Variants in ZCWPW2 observed in about 807,000 individuals in gnomAD.
ZCWPW2 encodes zinc finger CW-type and PWWP domain containing 2.
A neutral mutation model predicts 46.6 loss-of-function variants in ZCWPW2; 45 were observed. The ratio of observed to expected loss-of-function variants is 0.96; its 90% CI spans 0.76 to 1.24. The LOEUF (loss-of-function observed/expected upper bound fraction) is 1.24. Ranked by LOEUF, ZCWPW2 falls within the 50% of genes most tolerant of loss-of-function variation. ZCWPW2 has a pLI of 0.00. For synonymous variants in ZCWPW2, 152 were observed against 137.1 expected (o/e 1.11, Z -0.76); for missense variants, 429 against 403.9 (o/e 1.06, Z -0.53).
intron 6 of ZCWPW2, among the ~76,000 whole-genome samples, chr3:28,513,799 T>C (rs970426840): frequency 6.6e-6 from 1 of 152,112 alleles, no homozygotes; most frequent in Non-Finnish European, 1.5e-5. Context: ...ACTATTTTTA[T>C]GTGTTTGTGA....
intron 2 of ZCWPW2, among the ~76,000 whole-genome samples, chr3:28,412,307 T>C (rs895075546): frequency 6.6e-6 from 1 of 151,814 alleles, no homozygotes; most frequent in Non-Finnish European, 1.5e-5. Flanking sequence ...TTAAAATTTT[T>C]CTAACAAAAA....
intron 4 of ZCWPW2, among the ~76,000 whole-genome samples, chr3:28,467,940 A>C (rs932137870): frequency 2.0e-5 from 3 of 152,160 alleles, no homozygotes; most frequent in African/African-American, 7.2e-5. Flanking sequence ...AAGCATCAAG[A>C]CCATCCAGGA....
intron 4 of ZCWPW2, chr3:28,461,584 A>G (rs1406098570): frequency 6.6e-6 from 1 of 152,168 alleles, no homozygotes; most frequent in Non-Finnish European, 1.5e-5. Context: ...TTTCATTTTC[A>G]TCTCCAGTTT....
intron 1 of ZCWPW2, among the ~76,000 whole-genome samples, chr3:28,375,823 C>T (rs892733168): frequency 1.3e-5 from 2 of 151,420 alleles, no homozygotes; most frequent in African/African-American, 4.9e-5. Flanking sequence ...AACCATTCTT[C>T]TACTCTCTAT....
intron 1 of ZCWPW2, among the ~76,000 whole-genome samples, chr3:28,380,447 A>G (rs1256473584): frequency 6.6e-6 from 1 of 152,162 alleles, no homozygotes; most frequent in Admixed American, 6.5e-5. Context: ...TACTCAAAGA[A>G]TCACCTGAAT....
intron 3 of ZCWPW2, among the ~76,000 whole-genome samples, chr3:28,432,079 C>A (rs559787993): frequency 1.3e-5 from 2 of 152,286 alleles, no homozygotes; most frequent in Admixed American, 1.3e-4. Context: ...AATTACCTCC[C>A]ACCATGTCCC....
intron 6 of ZCWPW2, among the ~76,000 whole-genome samples, chr3:28,509,683 T>C (rs35131715): frequency 6.6e-6 from 1 of 152,322 alleles, no homozygotes; most frequent in East Asian, 1.9e-4. Flanking sequence ...TGGCTTATTG[T>C]ATTTTTATTG....
chr3:28,469,159 T>G (rs1698942677), intron 4 of ZCWPW2, among the ~76,000 whole-genome samples: 1 of 152,104 alleles, frequency 6.6e-6, no homozygotes, highest in African/African-American at 2.4e-5. Context: ...GTTATCAGCT[T>G]AAAATAATGG....
At chr3:28,391,791 A>G (rs1053284714) in intron 2 of ZCWPW2, among the ~76,000 whole-genome samples, 1 of 152,000 alleles carries the variant, frequency 6.6e-6, no homozygotes, top group Non-Finnish European at 1.5e-5. Context: ...TGGGTCCCTC[A>G]CCCTCATCCC....
intron 1 of ZCWPW2, among the ~76,000 whole-genome samples, chr3:28,371,109 G>A (rs1705319814): frequency 1.3e-5 from 2 of 152,036 alleles, no homozygotes; most frequent in African/African-American, 4.8e-5. Flanking sequence ...TGGAATATTA[G>A]ACTTTAAATT....
At chr3:28,457,757 A>G (rs902931370) in intron 4 of ZCWPW2, among the ~76,000 whole-genome samples, 1 of 152,184 alleles carries the variant, frequency 6.6e-6, no homozygotes, top group Non-Finnish European at 1.5e-5. Flanking sequence ...TTTTTTTGCT[A>G]CAGACCTGAT....
intron 2 of ZCWPW2, among the ~76,000 whole-genome samples, chr3:28,398,758 G>T (rs977001852): frequency 6.6e-6 from 1 of 152,144 alleles, no homozygotes; most frequent in Admixed American, 6.5e-5. Context: ...GAAATACAGG[G>T]GTAGCGGAAG....
At chr3:28,409,112 TTTTC>T (rs1161417256) in intron 2 of ZCWPW2, among the ~76,000 whole-genome samples, 2 of 140,734 alleles carry the variant, frequency 1.4e-5, no homozygotes, top group South Asian at 2.3e-4. Flanking sequence ...TGGCTTAATT[TTTTC>T]TTTTTCTTTT....
Position 28,432,947 on chromosome 3 carries a change from A to T in ZCWPW2, c.333-2163A>T, listed in dbSNP as rs150164606. 2.5e-3 allele frequency among the ~76,000 whole-genome samples: 386 copies of T among 152,300 alleles called. 1 individual carries two copies. Among genetic ancestry groups the T allele is most frequent in the African/African-American group, 8.4e-3 (350 of 41,566 alleles). On this transcript the variant is annotated intron_variant, in intron 3 of 9. Transcript: ENST00000383768. ...TAGCAATCCTTATTGATCAAATATC[A>T]GATAAGAAAGGCCTTTTGTTATTTT...
chr3:28,396,265 A>G (rs1695693081), intron 2 of ZCWPW2, among the ~76,000 whole-genome samples: 1 of 152,178 alleles, frequency 6.6e-6, no homozygotes, highest in Non-Finnish European at 1.5e-5. Flanking sequence ...CATACTGGTT[A>G]TTCAACTTCA....
At chr3:28,424,818 T>A (rs530569943) in intron 3 of ZCWPW2, among the ~76,000 whole-genome samples, 2 of 152,284 alleles carry the variant, frequency 1.3e-5, no homozygotes, top group Admixed American at 1.3e-4. Flanking sequence ...TATTGTTAAT[T>A]AGCTTCCATG....
In ZCWPW2 at chr3:28,373,765, G is replaced by A. The variant is rs182297794; in HGVS notation, c.-133-16733G>A. ...GTTGGGATTACAGGTGTGACCCACC[G>A]CACCTGGCTCCATTTGTATGTCTTT... On this transcript the variant is annotated intron_variant, in intron 1 of 9. Coordinates refer to ENST00000383768, the MANE Select transcript of ZCWPW2 (RefSeq NM_001040432.4). 5.0e-4 allele frequency among the ~76,000 whole-genome samples: 76 copies of A among 152,104 alleles called. 1 individual carries two copies. Among genetic ancestry groups the A allele is most frequent in the African/African-American group, 1.6e-3 (67 of 41,496 alleles).
At chr3:28,468,932 CTG>C (rs1207334252) in intron 4 of ZCWPW2, among the ~76,000 whole-genome samples, 2 of 152,100 alleles carry the variant, frequency 1.3e-5, no homozygotes, top group African/African-American at 4.8e-5. Flanking sequence ...TGTTATAACA[CTG>C]TTAACTGTGT....
intron 4 of ZCWPW2, among the ~76,000 whole-genome samples, chr3:28,471,173 C>T (rs1265890134): frequency 6.6e-6 from 1 of 152,090 alleles, no homozygotes; most frequent in Non-Finnish European, 1.5e-5. Context: ...TTCTATGAAA[C>T]GTTTAAAGAA....
Sources: gnomAD v4.1 joint callset for allele counts (sites outside exome capture counted in the v4.1 genomes callset) on GRCh38, gnomAD v4.1.1 for gene constraint, MANE v1.5 for transcripts, NCBI Gene and HGNC (gene_info 2026-07-23, HGNC 2026-07-21) for gene names.